The following GRIK2 variants were observed in gnomAD, a reference collection of about 807,000 sequenced individuals.
GRIK2 encodes the protein glutamate ionotropic receptor kainate type subunit 2.
Under a neutral mutation model 100.3 loss-of-function variants are expected in GRIK2, and 32 were observed. The ratio of observed to expected loss-of-function variants is 0.32; its 90% CI spans 0.24 to 0.43. The LOEUF (loss-of-function observed/expected upper bound fraction) is 0.43. GRIK2 is among the 20% of genes least tolerant of loss of function. GRIK2 has a pLI of 1.00. For missense variants in GRIK2, 843 were observed against 1,114.9 expected (o/e 0.76, Z 3.47); for synonymous variants, 417 against 389.4 (o/e 1.07, Z -0.83).
chr6:101,968,919 G>A (rs543157093), intron 14 of GRIK2, among the ~76,000 whole-genome samples: 10 of 151,866 alleles, frequency 6.6e-5, no homozygotes, highest in Admixed American at 6.6e-4. Flanking sequence ...GAATACATTT[G>A]TCCAATTGTG....
intron 2 of GRIK2, among the ~76,000 whole-genome samples, chr6:101,444,573 A>C (rs1051446064): frequency 4.6e-5 from 7 of 152,104 alleles, no homozygotes; most frequent in Non-Finnish European, 8.8e-5. Context: ...GAATTCCTTC[A>C]ATTTATATGC....
intron 9 of GRIK2, among the ~76,000 whole-genome samples, chr6:101,816,711 T>C (rs1231159706): frequency 1.3e-5 from 2 of 151,870 alleles, no homozygotes; most frequent in Non-Finnish European, 2.9e-5. Context: ...AATAAATAAA[T>C]TAATTAATTT....
At chr6:101,791,248 A>G (rs1350941176) in intron 7 of GRIK2, among the ~76,000 whole-genome samples, 1 of 152,074 alleles carries the variant, frequency 6.6e-6, no homozygotes, top group Non-Finnish European at 1.5e-5. Flanking sequence ...GCCTTCTGCT[A>G]GCTTTTGAAT....
chr6:101,703,609 A>G (rs942248712), intron 7 of GRIK2, among the ~76,000 whole-genome samples: 1 of 151,810 alleles, frequency 6.6e-6, no homozygotes, highest in African/African-American at 2.4e-5. Context: ...ATGGGGTTTC[A>G]ATTTAGGATA....
At chr6:101,928,750 G>T in intron 14 of GRIK2, 118 bp downstream of exon 14, 1 of 642,946 alleles carries the variant, frequency 1.6e-6, no homozygotes, top group Non-Finnish European at 2.8e-6. Flanking sequence ...CTTAATAATA[G>T]CATATACCTC....
At chr6:101,597,146 TA>T (rs1488854076) in intron 2 of GRIK2, among the ~76,000 whole-genome samples, 1 of 151,738 alleles carries the variant, frequency 6.6e-6, no homozygotes, top group African/African-American at 2.4e-5. Flanking sequence ...GAAAACCAAA[TA>T]CCACATGTTC....
chr6:101,820,431 G>A (rs186019185), intron 10 of GRIK2, among the ~76,000 whole-genome samples: 2 of 151,516 alleles, frequency 1.3e-5, no homozygotes, highest in African/African-American at 2.4e-5. Flanking sequence ...CCAAATCTTC[G>A]CTCAATTCTT....
intron 14 of GRIK2, among the ~76,000 whole-genome samples, chr6:101,976,606 G>A (rs1266772726): frequency 6.6e-6 from 1 of 151,866 alleles, no homozygotes; most frequent in Non-Finnish European, 1.5e-5. Context: ...ATGATTGATT[G>A]AGCCCAGGAG....
intron 2 of GRIK2, among the ~76,000 whole-genome samples, chr6:101,439,049 T>C (rs1246080174): frequency 6.6e-6 from 1 of 152,152 alleles, no homozygotes; most frequent in Non-Finnish European, 1.5e-5. Flanking sequence ...AGATGTAAAA[T>C]AGGCTACATA....
chr6:101,740,479 A>G (rs750685114), intron 7 of GRIK2, among the ~76,000 whole-genome samples: 48 of 152,276 alleles, frequency 3.2e-4, no homozygotes, highest in Non-Finnish European at 5.9e-4. Flanking sequence ...TGCATTCTAC[A>G]TTTGTGTAGT....
chr6:101,672,325 A>G, intron 4 of GRIK2, among the ~76,000 whole-genome samples: 1 of 152,078 alleles, frequency 6.6e-6, no homozygotes, highest in African/African-American at 2.4e-5. Context: ...ACTCAATTGT[A>G]TGGTCCTCCC....
At chr6:101,798,761 A>G (rs1490799277) in intron 7 of GRIK2, among the ~76,000 whole-genome samples, 4 of 152,086 alleles carry the variant, frequency 2.6e-5, no homozygotes, top group African/African-American at 9.7e-5. Flanking sequence ...TTTTCTAGGT[A>G]GTAAGCCTGG....
At chr6:101,577,886 T>C (rs1777864297) in intron 2 of GRIK2, among the ~76,000 whole-genome samples, 1 of 152,098 alleles carries the variant, frequency 6.6e-6, no homozygotes, top group Non-Finnish European at 1.5e-5. Context: ...AGCTCCTGTG[T>C]TCCTGGGGAA....
At chr6:102,031,580 G>A (rs1770002309) in intron 14 of GRIK2, among the ~76,000 whole-genome samples, 2 of 151,170 alleles carry the variant, frequency 1.3e-5, no homozygotes. Flanking sequence ...TAGGTAGTGA[G>A]CATAGTCTGC....
At chr6:101,919,474 TG>T (rs1789353762) in intron 12 of GRIK2, among the ~76,000 whole-genome samples, 2 of 151,732 alleles carry the variant, frequency 1.3e-5, no homozygotes, top group Non-Finnish European at 3.0e-5. Flanking sequence ...AGAGATAATA[TG>T]GGGGAAGTTA....
intron 7 of GRIK2, among the ~76,000 whole-genome samples, chr6:101,791,210 A>G (rs369371241): frequency 6.6e-6 from 1 of 151,736 alleles, no homozygotes; most frequent in Non-Finnish European, 1.5e-5. Context: ...TATTTCCTTC[A>G]GTTCTGCTCT....
intron 2 of GRIK2, among the ~76,000 whole-genome samples, chr6:101,554,481 G>A (rs1457955132): frequency 2.0e-5 from 3 of 152,174 alleles, no homozygotes; most frequent in East Asian, 1.9e-4. Context: ...GTGTTAGAGT[G>A]TCACTACCAG....
intron 16 of GRIK2, among the ~76,000 whole-genome samples, chr6:102,064,608 G>A (rs1771925744): frequency 6.6e-6 from 1 of 150,768 alleles, no homozygotes; most frequent in Non-Finnish European, 1.5e-5. Flanking sequence ...ATTATATAAA[G>A]TATAAAAGAC....
chr6:101,974,007 T>C (rs1793218179), intron 14 of GRIK2, among the ~76,000 whole-genome samples: 1 of 151,946 alleles, frequency 6.6e-6, no homozygotes, highest in Non-Finnish European at 1.5e-5. Flanking sequence ...CTCGTACAAT[T>C]GGTCCCTTTA....
Sources: allele counts gnomAD v4.1 joint callset (sites outside exome capture counted in the v4.1 genomes callset), GRCh38; gene constraint gnomAD v4.1.1; transcripts MANE v1.5; gene names NCBI Gene and HGNC (gene_info 2026-07-23, HGNC 2026-07-21).